ALLC: variants seen among roughly 807,000 people sequenced by gnomAD.
ALLC encodes the protein allantoicase, also known as probable inactive allantoicase.
ALLC carries 40 observed loss-of-function variants against 45.0 expected under a neutral mutation model. That is an observed-to-expected ratio of 0.89 (90% CI 0.69 to 1.16). ALLC has a LOEUF of 1.16. Among genes scored for constraint, ALLC ranks in the 50% most tolerant of loss-of-function variants. The probability of loss-of-function intolerance (pLI) is 0.00; values close to 1 mark genes in which losing one functional copy is unlikely to be tolerated. For missense variants in ALLC, 488 were observed against 493.1 expected (o/e 0.99, Z 0.10); for synonymous variants, 176 against 178.1 (o/e 0.99, Z 0.09).
intron 1 of ALLC, among the ~76,000 whole-genome samples, chr2:3,665,307 T>G (rs6705562): frequency 0.16 from 23,936 of 151,482 alleles, 2,060 homozygotes; most frequent in East Asian, 0.35. Flanking sequence ...AGTTGAAGTG[T>G]TTTTTTTTAA....
chr2:3,646,207 C>A, the ALLC span, among the ~76,000 whole-genome samples: 2 of 152,174 alleles, frequency 1.3e-5, no homozygotes, highest in African/African-American at 4.8e-5. Context: ...GCTCAAGGGT[C>A]CTCCCTGTAA....
chr2:3,668,064 C>T (rs1666773785), intron 1 of ALLC, among the ~76,000 whole-genome samples: 3 of 152,042 alleles, frequency 2.0e-5, no homozygotes, highest in African/African-American at 4.8e-5. Flanking sequence ...CGCATCAGGA[C>T]GATAATAAAT....
chr2:3,682,682 C>T (rs997004994), intron 6 of ALLC, among the ~76,000 whole-genome samples: 75 of 152,206 alleles, frequency 4.9e-4, no homozygotes, highest in Non-Finnish European at 8.2e-4. Context: ...CCCGCCACCA[C>T]GCCCGGCTAA....
At chr2:3,697,621 G>GTCTGTCTATCTATCTATCTA (rs1354630765) in intron 10 of ALLC, among the ~76,000 whole-genome samples, 165 bp downstream of exon 10, 24 of 125,440 alleles carry the variant, frequency 1.9e-4, no homozygotes, top group African/African-American at 5.0e-4. Context: ...CTGTCTGTCT[G>GTCTGTCTATCTATCTATCTA]TCTATCTATC....
intron 3 of ALLC, 72 bp downstream of exon 3, chr2:3,674,197 C>T: frequency 8.7e-7 from 1 of 1,152,970 alleles, no homozygotes; most frequent in Non-Finnish European, 1.3e-6. Context: ...TTATTAAAAT[C>T]TCCCTGTATA....
At position 3,681,659 on chromosome 2, in the gene ALLC, A is replaced by T. The variant is rs1359340478; in HGVS notation, c.324A>T (p.Arg108Ser). 1 of 1,611,072 alleles carries T rather than the reference A, an allele frequency of 6.2e-7. No homozygotes were observed. The highest frequency in any genetic ancestry group is 1.1e-5 in the South Asian group (1 of 90,282). ...ATAAACTACCAGAAATCCCAGAAAG[A>T]GGAACCAGGACAGGAGCTGCAGCCA... ...EEDKLPEIPE[R>S]GTRTGAAATP... is the part of the protein sequence containing the mutation. Residue 108 changes from arginine (R) to serine (S), a missense_variant, in exon 6 of 12, where the codon AGA (arginine) becomes AGT (serine). Arg to Ser is a moderately radical substitution (Grantham distance 110). Coordinates refer to ENST00000252505, the MANE Select transcript of ALLC (RefSeq NM_018436.4).
chr2:3,652,033 A>T, the ALLC span, among the ~76,000 whole-genome samples: 6 of 152,178 alleles, frequency 3.9e-5, no homozygotes, highest in Non-Finnish European at 8.8e-5. Context: ...AGTTGCAAGC[A>T]GGAAAATCGC....
At chr2:3,666,027 G>C (rs1237798055) in intron 1 of ALLC, among the ~76,000 whole-genome samples, 1 of 152,180 alleles carries the variant, frequency 6.6e-6, no homozygotes, top group African/African-American at 2.4e-5. Flanking sequence ...AATGCTCTGT[G>C]TAGGTTATCG....
chr2:3,667,549 T>G (rs1422762802), intron 1 of ALLC, among the ~76,000 whole-genome samples: 1 of 152,252 alleles, frequency 6.6e-6, no homozygotes, highest in African/African-American at 2.4e-5. Context: ...TTACTTGATC[T>G]GTCAAAGACG....
chr2:3,659,663 C>T (rs114189239), intron 1 of ALLC, among the ~76,000 whole-genome samples: 8,635 of 152,282 alleles, frequency 0.057, 357 homozygotes, highest in Non-Finnish European at 0.084. Context: ...TCAACAGAAA[C>T]GGCAGGGACC....
chr2:3,675,601 C>T (rs1050005407), intron 3 of ALLC, among the ~76,000 whole-genome samples: 56 of 137,278 alleles, frequency 4.1e-4, no homozygotes, highest in African/African-American at 1.3e-3. Flanking sequence ...TATATATATA[C>T]ACACACACAC....
At chr2:3,652,448 A>G in the ALLC span, among the ~76,000 whole-genome samples, 3 of 152,182 alleles carry the variant, frequency 2.0e-5, no homozygotes, top group Non-Finnish European at 4.4e-5. Context: ...CTTAGATACA[A>G]AGGAGGCTGG....
intron 7 of ALLC, among the ~76,000 whole-genome samples, chr2:3,683,647 A>G (rs1247696309): frequency 6.6e-6 from 1 of 152,196 alleles, no homozygotes; most frequent in Non-Finnish European, 1.5e-5. Flanking sequence ...ATTATATAAT[A>G]TTGGTCTTTT....
chr2:3,653,761 G>T (rs571644205), upstream of ALLC, among the ~76,000 whole-genome samples: 40 of 152,144 alleles, frequency 2.6e-4, no homozygotes, highest in African/African-American at 9.4e-4. The surrounding 1 kb of genome is among the most constrained non-coding windows in gnomAD (Gnocchi z 4.1). Context: ...AGAGCTGAGG[G>T]AAGACTCTGG....
At chr2:3,667,803 T>C (rs968180605) in intron 1 of ALLC, among the ~76,000 whole-genome samples, 3 of 152,202 alleles carry the variant, frequency 2.0e-5, no homozygotes, top group Admixed American at 2.0e-4. Flanking sequence ...TCACTTTTGT[T>C]GCCCAGGCTG....
the ALLC span, among the ~76,000 whole-genome samples, chr2:3,652,967 G>A: frequency 1.3e-5 from 2 of 152,190 alleles, no homozygotes; most frequent in African/African-American, 2.4e-5. Context: ...GCTAAGCTGG[G>A]CAGTTGTTAT....
intron 4 of ALLC, among the ~76,000 whole-genome samples, chr2:3,679,265 C>A (rs1667109071): frequency 1.3e-5 from 2 of 152,128 alleles, no homozygotes; most frequent in Admixed American, 1.3e-4. Context: ...TAATATCTGG[C>A]AGTAAATAAC....
At chr2:3,651,243 G>C in the ALLC span, among the ~76,000 whole-genome samples, 1 of 150,692 alleles carries the variant, frequency 6.6e-6, no homozygotes, top group African/African-American at 2.5e-5. Flanking sequence ...GCGCGGGGAG[G>C]TTTGCAGAGC....
chr2:3,651,274 C>CGG, the ALLC span, among the ~76,000 whole-genome samples: 1 of 117,630 alleles, frequency 8.5e-6, no homozygotes, highest in African/African-American at 3.6e-5. Context: ...GCTCAGGCCG[C>CGG]CGATGCTTGC....
Sources: gnomAD v4.1 joint callset for allele counts (sites outside exome capture counted in the v4.1 genomes callset) on GRCh38, gnomAD v4.1.1 for gene constraint, Gnocchi (gnomAD v3.1) non-coding constraint, MANE v1.5 for transcripts, NCBI Gene and HGNC (gene_info 2026-07-23, HGNC 2026-07-21) for gene names.